The following QSER1 variants were observed in gnomAD, a reference collection of about 807,000 sequenced individuals.
QSER1 encodes glutamine and serine rich 1, also known as glutamine and serine-rich protein 1.
QSER1 carries 49 observed loss-of-function variants against 158.5 expected under a neutral mutation model. The ratio of observed to expected loss-of-function variants is 0.31; its 90% CI spans 0.25 to 0.39. The LOEUF (loss-of-function observed/expected upper bound fraction) is 0.39, where lower values mean the gene tolerates loss of function less well. Ranked by LOEUF, QSER1 falls within the 10% of genes least tolerant of loss-of-function variation. The probability of loss-of-function intolerance (pLI) is 1.00; values close to 1 mark genes in which losing one functional copy is unlikely to be tolerated. For missense variants in QSER1, 1,754 were observed against 2,010.3 expected (o/e 0.87, Z 2.44); for synonymous variants, 650 against 715.5 (o/e 0.91, Z 1.46).
intron 12 of QSER1, among the ~76,000 whole-genome samples, chr11:32,975,798 G>A (rs1448055498): frequency 6.6e-6 from 1 of 152,140 alleles, no homozygotes; most frequent in Non-Finnish European, 1.5e-5. Context: ...TTTAATTGTA[G>A]CTTTTAAGTT....
At chr11:32,941,221 A>G (rs1003455226) in intron 4 of QSER1, among the ~76,000 whole-genome samples, 3 of 149,276 alleles carry the variant, frequency 2.0e-5, no homozygotes, top group African/African-American at 7.3e-5. Context: ...TTTTATTATT[A>G]TTATTATTAT....
chr11:32,957,400 C>T (rs893249499), intron 7 of QSER1, among the ~76,000 whole-genome samples: 31 of 152,094 alleles, frequency 2.0e-4, no homozygotes, highest in African/African-American at 7.0e-4. Context: ...CTCAGCCTCC[C>T]AAAGTGCTAG....
chr11:32,906,689 C>A (rs536356456), intron 1 of QSER1, among the ~76,000 whole-genome samples: 2 of 152,192 alleles, frequency 1.3e-5, no homozygotes, highest in East Asian at 3.9e-4. Context: ...CTGGGATTAT[C>A]AACATGAGCC....
At chr11:32,939,173 A>T (rs1852194939) in intron 4 of QSER1, among the ~76,000 whole-genome samples, 1 of 152,234 alleles carries the variant, frequency 6.6e-6, no homozygotes, top group African/African-American at 2.4e-5. Flanking sequence ...GATTTCATTC[A>T]AAGTGACTGG....
intron 1 of QSER1, among the ~76,000 whole-genome samples, chr11:32,895,509 A>G (rs1213012648): frequency 1.3e-5 from 2 of 152,218 alleles, no homozygotes; most frequent in Admixed American, 6.5e-5. Flanking sequence ...TAAATATTCT[A>G]CACTTCAGAA....
intron 1 of QSER1, chr11:32,926,011 T>A (rs1564931617): frequency 6.6e-6 from 1 of 152,360 alleles, no homozygotes; most frequent in African/African-American, 2.4e-5. Context: ...GAGGATTGCT[T>A]GAGCCCAGGA....
intron 4 of QSER1, among the ~76,000 whole-genome samples, chr11:32,951,470 A>G (rs1852420332): frequency 6.6e-6 from 1 of 152,144 alleles, no homozygotes; most frequent in African/African-American, 2.4e-5. Context: ...TAAAAAATGA[A>G]GCTCAGATTT....
chr11:32,908,393 G>T (rs1851720770), intron 1 of QSER1, among the ~76,000 whole-genome samples: 1 of 152,100 alleles, frequency 6.6e-6, no homozygotes. Flanking sequence ...TTTTTCTTGG[G>T]CATCAGTTAC....
At position 32,956,068 on chromosome 11, in the gene QSER1, A is replaced by G; in HGVS notation, c.4698A>G (p.Glu1566=). 6.2e-7 allele frequency: 1 copy of G among 1,611,906 alleles called. No individual in the cohort carries two copies. The highest frequency in any genetic ancestry group is 8.5e-7 in the Non-Finnish European group (1 of 1,178,436). The change falls in exon 7 of 13, where the codon GAA becomes GAG. Residue 1566 remains glutamate, a synonymous_variant. Coordinates refer to ENST00000650167, the MANE Select transcript of QSER1 (RefSeq NM_001076786.3). ...VKFIENANKK[E]YVRVCSKKPR... is the part of the protein sequence containing the mutation. Reference sequence around the variant, plus strand: ...TCATTGAAAATGCAAACAAGAAGGAATATGTCAGAGTGTGTTCTAAAAAGC... The same window carrying G: ...TCATTGAAAATGCAAACAAGAAGGAGTATGTCAGAGTGTGTTCTAAAAAGC...
intron 4 of QSER1, among the ~76,000 whole-genome samples, chr11:32,953,504 A>G (rs1440390472): frequency 1.3e-5 from 2 of 152,034 alleles, no homozygotes; most frequent in East Asian, 3.9e-4. Flanking sequence ...CAGGCACACA[A>G]CACTATGCTC....
chr11:32,902,361 A>G (rs993444689), intron 1 of QSER1, among the ~76,000 whole-genome samples: 4 of 152,178 alleles, frequency 2.6e-5, no homozygotes, highest in African/African-American at 9.7e-5. Context: ...AGAGTTTCTG[A>G]ATCCATAGGT....
chr11:32,979,213 T>C lies in QSER1; in HGVS notation c.*2739T>C, dbSNP rs1853031281. 2 of 152,798 alleles carry C rather than the reference T, an allele frequency of 1.3e-5. No homozygotes were observed. The highest frequency in any genetic ancestry group is 4.1e-4 in the South Asian group (2 of 4,828). 9.5% of individuals were successfully genotyped at this position (152,798 alleles called of 1,614,324 possible). On this transcript the variant is annotated 3_prime_UTR_variant, in exon 13 of 13. Coordinates refer to ENST00000650167, the MANE Select transcript of QSER1 (RefSeq NM_001076786.3). Reference sequence around the variant, plus strand: ...CTAGCTGGTTAGCATTTACATTCCTTGCCAGGGAGTTTGAAATTTATACTA... The same window carrying C: ...CTAGCTGGTTAGCATTTACATTCCTCGCCAGGGAGTTTGAAATTTATACTA...
chr11:32,928,061 C>T lies in QSER1; in HGVS notation c.422C>T (p.Ala141Val). ...CTGTCTACTGCTGAATCCCGAACTGCTCAGGCTGCTGCTTCAGGAACTACT... is the reference window on the plus strand; with the variant it reads ...CTGTCTACTGCTGAATCCCGAACTGTTCAGGCTGCTGCTTCAGGAACTACT... ...NFLSTAESRTAQAAASGTTLL... is the reference protein window; with the variant it reads ...NFLSTAESRTVQAAASGTTLL... Residue 141 changes from alanine to valine, a missense_variant, in exon 3 of 13, where the codon GCT becomes GTT. This residue lies in a region of QSER1 where 1,707 missense variants were observed against 1,919.6 expected (regional missense o/e 0.89). Coordinates refer to ENST00000650167, the MANE Select transcript of QSER1 (RefSeq NM_001076786.3). 3 of 1,613,796 alleles carry T rather than the reference C, an allele frequency of 1.9e-6. No individual in the cohort carries two copies. Among genetic ancestry groups the T allele is most frequent in the Non-Finnish European group, 1.7e-6 (2 of 1,179,762 alleles).
At chr11:32,927,671 T>A (rs1851991175) in intron 2 of QSER1, among the ~76,000 whole-genome samples, 1 of 152,208 alleles carries the variant, frequency 6.6e-6, no homozygotes, top group African/African-American at 2.4e-5. Context: ...CCTCCAGAAG[T>A]GCTGGGATTA....
chr11:32,963,207 G>A (rs2133595759), intron 8 of QSER1, among the ~76,000 whole-genome samples: 1 of 152,286 alleles, frequency 6.6e-6, no homozygotes, highest in East Asian at 1.9e-4. Context: ...CCAGGCTGGA[G>A]TGCAGTGGTA....
At chr11:32,946,626 T>C (rs1281961722) in intron 4 of QSER1, among the ~76,000 whole-genome samples, 1 of 152,228 alleles carries the variant, frequency 6.6e-6, no homozygotes, top group East Asian at 1.9e-4. Context: ...ACCACTGCTC[T>C]CTTCAAAGCT....
At chr11:32,922,658 T>C (rs1723450136) in intron 1 of QSER1, among the ~76,000 whole-genome samples, 2 of 151,988 alleles carry the variant, frequency 1.3e-5, no homozygotes, top group South Asian at 4.1e-4. Context: ...CTAATTTTTG[T>C]ATTTTTAGTA....
chr11:32,951,543 C>A lies in QSER1; in HGVS notation c.4178-2314C>A, dbSNP rs79821042. On this transcript the variant is annotated intron_variant, in intron 4 of 12. Transcript: ENST00000650167. ...GAACACTGCCATCTTAACAGTGTTG[C>A]GTCTTCTCATCCATCAACATGGGAT... Among the ~76,000 whole-genome samples, 141 of 152,178 alleles carry A rather than the reference C, an allele frequency of 9.3e-4. 1 individual carries two copies. The East Asian group carries it at 0.025, about 27-fold the overall frequency.
rs1852075247 is a variant in QSER1 at position 32,932,933 on chromosome 11, C to T, written c.1675C>T (p.His559Tyr). The change falls in exon 4 of 13, where the codon CAC becomes TAC. Residue 559 changes from histidine (H) to tyrosine (Y), a missense_variant. Around this residue, in one of 2 missense-constraint regions of QSER1, gnomAD observed 1,707 missense variants for 1,919.6 expected, o/e 0.89. Coordinates refer to ENST00000650167, the MANE Select transcript of QSER1 (RefSeq NM_001076786.3). The part of the protein sequence containing the change: ...VSQSQSYSSG[H>Y]SQGLSPVSQT... ...TCAGTCTCAAAGTTACTCATCTGGTCACTCTCAGGGTTTATCACCAGTTAG... is the reference window on the plus strand; with the variant it reads ...TCAGTCTCAAAGTTACTCATCTGGTTACTCTCAGGGTTTATCACCAGTTAG... 1.2e-6 allele frequency: 2 copies of T among 1,613,490 alleles called. No homozygotes were observed. Among genetic ancestry groups the T allele is most frequent in the Non-Finnish European group, 1.7e-6 (2 of 1,179,902 alleles).
Sources: allele counts gnomAD v4.1 joint callset (sites outside exome capture counted in the v4.1 genomes callset), GRCh38; gene constraint gnomAD v4.1.1; regional missense constraint gnomAD v4.1.1; transcripts MANE v1.5; gene names NCBI Gene and HGNC (gene_info 2026-07-23, HGNC 2026-07-21).